Variants in CNIH4 observed in about 807,000 individuals in gnomAD.
The protein encoded by CNIH4 is cornichon family member 4.
A neutral mutation model predicts 21.5 loss-of-function variants in CNIH4; 9 were observed. The ratio of observed to expected loss-of-function variants is 0.42; its 90% confidence interval spans 0.25 to 0.73. The LOEUF is 0.73. Ranked by LOEUF, CNIH4 falls within the 30% of genes least tolerant of loss-of-function variation. The pLI is 0.27. For missense variants in CNIH4, 159 were observed against 170.0 expected (o/e 0.94, Z 0.36); for synonymous variants, 67 against 59.1 (o/e 1.13, Z -0.61).
chr1:224,370,524 A>G (rs1380899999), intron 3 of CNIH4, among the ~76,000 whole-genome samples: 1 of 152,204 alleles, frequency 6.6e-6, no homozygotes, highest in East Asian at 1.9e-4. Flanking sequence ...GTTGAAGCCC[A>G]GACACTTAAA....
intron 2 of CNIH4, among the ~76,000 whole-genome samples, chr1:224,363,861 A>G (rs1353315866): frequency 6.6e-6 from 1 of 152,082 alleles, no homozygotes; most frequent in Non-Finnish European, 1.5e-5. Flanking sequence ...ATTGTTATCT[A>G]CCTGGACTTT....
At chr1:224,374,501 G>A (rs929768564) in intron 4 of CNIH4, among the ~76,000 whole-genome samples, 18 of 150,204 alleles carry the variant, frequency 1.2e-4, no homozygotes, top group African/African-American at 3.4e-4. Context: ...TGCAGCCTCC[G>A]CCTCCCAGGT....
rs141333468 is a variant in CNIH4, at chr1:224,371,398, C to T, written c.367C>T (p.Leu123Phe). 5.6e-6 allele frequency: 9 copies of T among 1,613,890 alleles called. No individual in the cohort carries two copies. The African/African-American group carries it at 9.3e-5, about 17-fold the overall frequency. The change falls in exon 4 of 5, where the codon CTC becomes TTC. Residue 123 changes from leucine (L) to phenylalanine (F), a missense_variant. By Grantham distance (22) the Leu-to-Phe change is conservative. Coordinates refer to ENST00000465271, the MANE Select transcript of CNIH4 (RefSeq NM_014184.4). ...EAMIKLGFHL[L>F]CFFMYLYSMI... ...CATGATCAAGCTTGGTTTCCACTTG[C>T]TCTGCTTCTTCATGTATCTTTATAG...
At chr1:224,361,159 A>C (rs1219478255) in intron 2 of CNIH4, among the ~76,000 whole-genome samples, 2 of 134,452 alleles carry the variant, frequency 1.5e-5, no homozygotes, top group Admixed American at 1.6e-4. Context: ...TCTGTCACCC[A>C]GGCCGGAGTG....
chr1:224,358,879 A>G (rs1672192141), intron 1 of CNIH4, among the ~76,000 whole-genome samples: 1 of 152,210 alleles, frequency 6.6e-6, no homozygotes, highest in Admixed American at 6.5e-5. Context: ...AATTCAGCAT[A>G]TTCTGTATTT....
intron 2 of CNIH4, among the ~76,000 whole-genome samples, chr1:224,360,921 AG>A (rs1475392237): frequency 1.3e-5 from 2 of 152,106 alleles, no homozygotes; most frequent in Non-Finnish European, 2.9e-5. Context: ...GAATGAAAGA[AG>A]ACCTTTCTTG....
chr1:224,360,877 A>G (rs1020998810), intron 2 of CNIH4, among the ~76,000 whole-genome samples: 1 of 151,996 alleles, frequency 6.6e-6, no homozygotes, highest in African/African-American at 2.4e-5. Context: ...CCCTCCTCCC[A>G]CTCACGGAAA....
intron 3 of CNIH4, among the ~76,000 whole-genome samples, chr1:224,370,705 G>C (rs1365673503): frequency 6.6e-6 from 1 of 152,082 alleles, no homozygotes; most frequent in African/African-American, 2.4e-5. Context: ...ATGAGTAAAA[G>C]GGTTTCAGTG....
rs527582528 is a variant in CNIH4 at position 224,378,189 on chromosome 1, G to C, written c.*2367G>C. On this transcript the variant is annotated 3_prime_UTR_variant, in exon 5 of 5. Coordinates refer to ENST00000465271, the MANE Select transcript of CNIH4 (RefSeq NM_014184.4). ...CCTGCCTCAGCTTCCCAAGTAGTTGGGAGTAGGTGCACACCACCATGCCCA... is the reference window on the plus strand; with the variant it reads ...CCTGCCTCAGCTTCCCAAGTAGTTGCGAGTAGGTGCACACCACCATGCCCA... The C allele has an allele frequency of 2.0e-5, 3 of 152,262 alleles. No homozygotes were observed. Among genetic ancestry groups the C allele is most frequent in the African/African-American group, 7.2e-5 (3 of 41,422 alleles). 9.4% of individuals were successfully genotyped at this position (152,262 alleles called of 1,614,324 possible).
In CNIH4 at chr1:224,356,911, G is replaced by T. The variant is rs745341397; in HGVS notation, c.-14G>T. 4.4e-6 allele frequency: 7 copies of T among 1,602,718 alleles called. No individual in the cohort carries two copies. Among genetic ancestry groups the T allele is most frequent in the Non-Finnish European group, 5.1e-6 (6 of 1,174,376 alleles). On this transcript the variant is annotated 5_prime_UTR_variant, in exon 1 of 5. Transcript: ENST00000465271. ...CGGGTTTGACGGAAGGAGCGGCGGC[G>T]ACGGAGGAGGAGGATGGAGGCGGTG...
Position 224,356,970 on chromosome 1 carries a change from C to G in CNIH4, c.46C>G (p.Leu16Val). 6.2e-7 allele frequency: 1 copy of G among 1,612,544 alleles called. No homozygotes were observed. The highest frequency in any genetic ancestry group is 8.5e-7 in the Non-Finnish European group (1 of 1,179,370). The part of the protein sequence containing the change: ...FVFSLLDCCA[L>V]IFLSVYFIIT... ...CTTCTCTCTCCTCGATTGTTGCGCG[C>G]TCATCTTCCTCTCGGTCTACTTCGT... The change falls in exon 1 of 5, where the codon CTC (leucine) becomes GTC (valine). Residue 16 changes from leucine to valine, a missense_variant. Physicochemically the swap from Leu to Val is conservative, Grantham distance 32 (BLOSUM62 1). Transcript: ENST00000465271.
rs1672126086 is a variant in CNIH4, at chr1:224,356,881, C to T, written c.-44C>T. ...GCCTATCAGGGGTGGGTCGGGGCAT[C>T]CGAGCGGGTTTGACGGAAGGAGCGG... On this transcript the variant is annotated 5_prime_UTR_variant, in exon 1 of 5. Coordinates refer to ENST00000465271, the MANE Select transcript of CNIH4 (RefSeq NM_014184.4). 2 of 1,550,750 alleles carry T rather than the reference C, an allele frequency of 1.3e-6. No individual in the cohort carries two copies. The highest frequency in any genetic ancestry group is 1.4e-5 in the African/African-American group (1 of 73,744).
At chr1:224,365,004 T>G (rs1672410218) in intron 2 of CNIH4, among the ~76,000 whole-genome samples, 1 of 152,048 alleles carries the variant, frequency 6.6e-6, no homozygotes, top group Non-Finnish European at 1.5e-5. Flanking sequence ...TACCAAAAAA[T>G]TATCCAAAAT....
At position 224,371,295 on chromosome 1, in the gene CNIH4, G is replaced by T. The variant is rs878923655; in HGVS notation, c.264G>T (p.Val88=). The T allele has an allele frequency of 2.5e-6, 4 of 1,613,682 alleles. No homozygotes were observed. In the South Asian group the frequency reaches 3.3e-5, roughly 13 times the overall value. The part of the protein sequence containing the change: ...ATWNIYRYIM[V]PSGNMGVFDP... ...TTTAATTTATCAGATACATTATGGT[G>T]CCGAGTGGTAACATGGGAGTGTTTG... Residue 88 remains valine, a synonymous_variant, in exon 4 of 5, where the codon GTG becomes GTT. Coordinates refer to ENST00000465271, the MANE Select transcript of CNIH4 (RefSeq NM_014184.4).
At position 224,376,262 on chromosome 1, in the gene CNIH4, T is replaced by C; in HGVS notation, c.*440T>C. 1.0e-6 allele frequency: 1 copy of C among 987,066 alleles called. No homozygotes were observed. The highest frequency in any genetic ancestry group is 1.1e-4 in the East Asian group (1 of 8,896). The allele number at this position is 987,066 out of a possible 1,614,324, so 61.1% of individuals were successfully genotyped here. ...AAAGAAGAAAAATTACCCTTTTTGC[T>C]TGTGTTGTGACAACTTCATTTAATA... On this transcript the variant is annotated 3_prime_UTR_variant, in exon 5 of 5. Transcript: ENST00000465271.
chr1:224,360,300 T>C (rs1284984514), intron 1 of CNIH4, among the ~76,000 whole-genome samples, 195 bp from the exon 2 acceptor site: 1 of 151,990 alleles, frequency 6.6e-6, no homozygotes, highest in East Asian at 1.9e-4. Flanking sequence ...TTGAGCAAAA[T>C]AGGATTATTT....
At chr1:224,375,457 GTT>G (rs35213309) in intron 4 of CNIH4, among the ~76,000 whole-genome samples, 3 of 151,800 alleles carry the variant, frequency 2.0e-5, no homozygotes, top group Admixed American at 6.6e-5. Context: ...GAATTTAAAG[GTT>G]TTTTTTTCTG....
chr1:224,362,624 G>A (rs1672330907), intron 2 of CNIH4, among the ~76,000 whole-genome samples: 1 of 151,386 alleles, frequency 6.6e-6, no homozygotes, highest in African/African-American at 2.4e-5. Context: ...CGAGTAGCTG[G>A]GACTACAGGC....
chr1:224,365,959 C>G lies in CNIH4; in HGVS notation c.219C>G (p.Leu73=). ...LMSLHWFIFL[L]NLPVATWNIY... ...CATTGCACTGGTTCATCTTCCTTCTCAACTTACCTGTTGCCACTTGGAATA... is the reference window on the plus strand; with the variant it reads ...CATTGCACTGGTTCATCTTCCTTCTGAACTTACCTGTTGCCACTTGGAATA... The change falls in exon 3 of 5, where the codon CTC becomes CTG. Residue 73 remains leucine, a synonymous_variant. Transcript: ENST00000465271. 4 of 1,609,572 alleles carry G rather than the reference C, an allele frequency of 2.5e-6. No homozygotes were observed. The highest frequency in any genetic ancestry group is 3.4e-6 in the Non-Finnish European group (4 of 1,175,782).
Sources: gnomAD v4.1 joint callset for allele counts (sites outside exome capture counted in the v4.1 genomes callset) on GRCh38, gnomAD v4.1.1 for gene constraint, MANE v1.5 for transcripts, NCBI Gene and HGNC (gene_info 2026-07-23, HGNC 2026-07-21) for gene names.